The following OR10J1 variants were observed in gnomAD, a reference collection of about 807,000 sequenced individuals.
The protein encoded by OR10J1 is olfactory receptor family 10 subfamily J member 1.
For synonymous variants in OR10J1, 202 were observed against 143.8 expected (o/e 1.40, Z -2.89); for missense variants, 474 against 376.6 (o/e 1.26, Z -2.14).
chr1:159,411,151 G>A, the OR10J1 span, among the ~76,000 whole-genome samples: 2 of 151,470 alleles, frequency 1.3e-5, no homozygotes, highest in South Asian at 2.1e-4. Flanking sequence ...GGTGTGGTGT[G>A]GTGCTGAAAA....
upstream of OR10J1, among the ~76,000 whole-genome samples, chr1:159,435,582 G>A (rs542195563): frequency 2.1e-4 from 32 of 152,114 alleles, no homozygotes; most frequent in African/African-American, 7.5e-4. Flanking sequence ...GTTTGGACAC[G>A]CCAGCTCTAG....
At chr1:159,426,357 T>A in the OR10J1 span, among the ~76,000 whole-genome samples, 1 of 151,852 alleles carries the variant, frequency 6.6e-6, no homozygotes, top group Admixed American at 6.6e-5. Flanking sequence ...GAAAATGGTA[T>A]TCGAGCAGAT....
At chr1:159,420,315 C>T in the OR10J1 span, among the ~76,000 whole-genome samples, 1 of 152,088 alleles carries the variant, frequency 6.6e-6, no homozygotes, top group South Asian at 2.1e-4. Context: ...AATGTATTTA[C>T]ATTTAAGTTT....
the OR10J1 span, among the ~76,000 whole-genome samples, chr1:159,398,407 A>C: frequency 6.6e-6 from 1 of 152,180 alleles, no homozygotes; most frequent in Non-Finnish European, 1.5e-5. Flanking sequence ...AAATTAACTA[A>C]ATAAGGCACT....
chr1:159,431,125 C>G, the OR10J1 span, among the ~76,000 whole-genome samples: 4 of 152,212 alleles, frequency 2.6e-5, no homozygotes, highest in African/African-American at 9.6e-5. Flanking sequence ...GGGTATTAAA[C>G]GCATAATATT....
chr1:159,415,816 G>T, the OR10J1 span, among the ~76,000 whole-genome samples: 1 of 151,822 alleles, frequency 6.6e-6, no homozygotes, highest in Non-Finnish European at 1.5e-5. Context: ...TTTAATTTAT[G>T]AACGAGACAT....
In OR10J1 at chr1:159,439,722, T is replaced by G. The variant is rs200678837; in HGVS notation, c.-70T>G. On this transcript the variant is annotated 5_prime_UTR_variant, in exon 1 of 1. Transcript: ENST00000423932. ...ATTGAACTTCAATCAATTTCAGAAA[T>G]GTGCTTCTACTGCTTTACTGGGACT... 4 of 1,584,320 alleles carry G rather than the reference T, an allele frequency of 2.5e-6. No individual in the cohort carries two copies. In the African/African-American group the frequency reaches 4.1e-5, roughly 16 times the overall value.
chr1:159,439,787 A>T lies in OR10J1; in HGVS notation c.-5A>T, dbSNP rs763263868. The T allele has an allele frequency of 6.2e-7, 1 of 1,613,974 alleles. No homozygotes were observed. Among genetic ancestry groups the T allele is most frequent in the Non-Finnish European group, 8.5e-7 (1 of 1,179,866 alleles). On this transcript the variant is annotated 5_prime_UTR_variant, in exon 1 of 1. Coordinates refer to ENST00000423932, the MANE Select transcript of OR10J1 (RefSeq NM_012351.3). ...CTTTTATGTTTCAGATTTGGGAACCAATCCATGAAAAGAGAGAACTTTACT... is the reference window on the plus strand; with the variant it reads ...CTTTTATGTTTCAGATTTGGGAACCTATCCATGAAAAGAGAGAACTTTACT...
the OR10J1 span, among the ~76,000 whole-genome samples, chr1:159,416,629 T>G: frequency 6.6e-6 from 1 of 151,922 alleles, no homozygotes; most frequent in Non-Finnish European, 1.5e-5. Context: ...CTCTTTTAAT[T>G]TTTTTGAAAT....
chr1:159,416,973 T>C, the OR10J1 span, among the ~76,000 whole-genome samples: 1 of 152,058 alleles, frequency 6.6e-6, no homozygotes, highest in Non-Finnish European at 1.5e-5. Flanking sequence ...TCTCTCTTTT[T>C]CTCTTGGTTA....
the OR10J1 span, chr1:159,432,664 T>C: frequency 2.4e-6 from 1 of 425,156 alleles, no homozygotes; most frequent in African/African-American, 2.0e-5. Flanking sequence ...AACATTGGCC[T>C]GAGCACAGCT....
At chr1:159,410,333 T>C in the OR10J1 span, among the ~76,000 whole-genome samples, 5 of 152,164 alleles carry the variant, frequency 3.3e-5, no homozygotes, top group African/African-American at 9.6e-5. Flanking sequence ...GGTCCTGGAC[T>C]CTTTTTGGTT....
upstream of OR10J1, among the ~76,000 whole-genome samples, chr1:159,433,619 G>T (rs190856242): frequency 5.6e-4 from 86 of 152,300 alleles, no homozygotes; most frequent in African/African-American, 2.0e-3. Flanking sequence ...TCAGGCTGAA[G>T]TTATGCTCCA....
chr1:159,429,746 G>C, the OR10J1 span, among the ~76,000 whole-genome samples: 1 of 152,242 alleles, frequency 6.6e-6, no homozygotes, highest in East Asian at 1.9e-4. Context: ...GACTTAAAGG[G>C]ACAGGGCAAT....
the OR10J1 span, among the ~76,000 whole-genome samples, chr1:159,411,010 T>C: frequency 6.6e-6 from 1 of 152,314 alleles, no homozygotes; most frequent in Non-Finnish European, 1.5e-5. Flanking sequence ...TGAGCGGTTT[T>C]GAGTGAGTTT....
chr1:159,401,566 C>T, the OR10J1 span, among the ~76,000 whole-genome samples: 1 of 151,748 alleles, frequency 6.6e-6, no homozygotes, highest in African/African-American at 2.4e-5. Flanking sequence ...AATAAAAAAC[C>T]TGAGCAGATA....
At chr1:159,410,113 A>G in the OR10J1 span, among the ~76,000 whole-genome samples, 7 of 152,254 alleles carry the variant, frequency 4.6e-5, no homozygotes, top group South Asian at 1.5e-3. Context: ...TATTTTATTG[A>G]GGATTTTTGC....
the OR10J1 span, chr1:159,406,166 C>G: frequency 1.4e-3 from 673 of 497,884 alleles, 3 homozygotes; most frequent in African/African-American, 0.011. Context: ...CAGAGATAGA[C>G]AGCAATGCTC....
the OR10J1 span, chr1:159,406,461 C>T: frequency 7.2e-6 from 2 of 278,378 alleles, no homozygotes. Context: ...TGAGCAGCAT[C>T]AGTTTTTTGG....
Sources: allele counts gnomAD v4.1 joint callset (sites outside exome capture counted in the v4.1 genomes callset), GRCh38; gene constraint gnomAD v4.1.1; transcripts MANE v1.5; gene names NCBI Gene and HGNC (gene_info 2026-07-23, HGNC 2026-07-21).